The following IYD variants were observed in gnomAD, a reference collection of about 807,000 sequenced individuals.
IYD encodes the protein iodotyrosine deiodinase.
In IYD, 25 loss-of-function variants were observed where a neutral mutation model predicts 28.4. That is an observed-to-expected ratio of 0.88 (90% CI 0.64 to 1.23). The LOEUF (loss-of-function observed/expected upper bound fraction) is 1.23, where lower values mean the gene tolerates loss of function less well. Among genes scored for constraint, IYD ranks in the 50% most tolerant of loss-of-function variants. The pLI is 0.00. For synonymous variants in IYD, 140 were observed against 130.8 expected (o/e 1.07, Z -0.48); for missense variants, 352 against 357.9 (o/e 0.98, Z 0.13).
intron 1 of IYD, among the ~76,000 whole-genome samples, chr6:150,375,481 G>A (rs2064213): frequency 0.15 from 23,501 of 152,176 alleles, 3,635 homozygotes; most frequent in African/African-American, 0.38. Context: ...TGATCGTGAT[G>A]GATAGATCCT....
intron 1 of IYD, among the ~76,000 whole-genome samples, chr6:150,380,233 T>C (rs1194660090): frequency 6.6e-6 from 1 of 152,216 alleles, no homozygotes; most frequent in African/African-American, 2.4e-5. Flanking sequence ...AATTGTAACC[T>C]GAAAACTTGT....
chr6:150,398,280 T>G lies in IYD; in HGVS notation c.*43T>G. 1 of 1,587,974 alleles carries G rather than the reference T, an allele frequency of 6.3e-7. No homozygotes were observed. The highest frequency in any genetic ancestry group is 1.1e-5 in the South Asian group (1 of 90,476). ...AGTGGCAGGGAGATGGCGCCCCTGC[T>G]TTTCCCTGAGCCTCTCGCCTGCTCC... On this transcript the variant is annotated 3_prime_UTR_variant, in exon 5 of 5. Transcript: ENST00000344419.
At chr6:150,396,747 G>A (rs567594210) in intron 4 of IYD, 439 of 232,482 alleles carry the variant, frequency 1.9e-3, no homozygotes, top group Non-Finnish European at 2.8e-3. Context: ...GGTGGCGGGC[G>A]CCTGTAGTCC....
chr6:150,390,510 C>T (rs537280371), intron 2 of IYD, among the ~76,000 whole-genome samples: 3 of 152,170 alleles, frequency 2.0e-5, no homozygotes, highest in Non-Finnish European at 4.4e-5. Context: ...GAAATTTGGG[C>T]CTCATGTTTA....
chr6:150,394,260 G>A lies in IYD; in HGVS notation c.687+5G>A, dbSNP rs758060890. On this transcript the variant is annotated splice_donor_5th_base_variant and intron_variant, in intron 4 of 4. Transcript: ENST00000344419. ...ATCCTGCTAGCTGCCCTGCAGGTAT[G>A]TTGAGACATCAAGGGTTACAGGGTG... is the stretch of plus-strand genomic sequence containing the variant. 26 of 1,613,972 alleles carry A rather than the reference G, an allele frequency of 1.6e-5. No individual in the cohort carries two copies. In the Middle Eastern group the frequency reaches 4.9e-4, roughly 31 times the overall value.
chr6:150,393,021 C>A (rs761183095), intron 3 of IYD, among the ~76,000 whole-genome samples: 2 of 152,004 alleles, frequency 1.3e-5, no homozygotes, highest in East Asian at 1.9e-4. Flanking sequence ...GCACAGTCCG[C>A]GTGCTCTGTG....
At chr6:150,394,363 T>C (rs1778235439) in intron 4 of IYD, 108 bp downstream of exon 4, 1 of 1,167,460 alleles carries the variant, frequency 8.6e-7, no homozygotes, top group Non-Finnish European at 1.3e-6. Flanking sequence ...GTAGAATTCC[T>C]AAGTGAGGTA....
chr6:150,369,920 T>A (rs1457917505), intron 1 of IYD: 13 of 698,194 alleles, frequency 1.9e-5, no homozygotes, highest in Non-Finnish European at 3.4e-5. Flanking sequence ...AGTGGAGAAT[T>A]GAGGGTGGAG....
intron 4 of IYD, chr6:150,396,310 G>C (rs1778308603): frequency 2.3e-6 from 1 of 432,884 alleles, no homozygotes; most frequent in South Asian, 5.7e-5. Flanking sequence ...TCAATCCTTG[G>C]CCCTTTGGGG....
At chr6:150,393,475 A>G (rs1458290356) in intron 3 of IYD, among the ~76,000 whole-genome samples, 1 of 152,244 alleles carries the variant, frequency 6.6e-6, no homozygotes, top group Non-Finnish European at 1.5e-5. Context: ...AAGCATAACC[A>G]AGCTAGAAAT....
rs1029491137 is a variant in IYD, at chr6:150,400,053, C to A, written c.*1816C>A. 3.9e-5 allele frequency: 6 copies of A among 152,230 alleles called. No individual in the cohort carries two copies. Among genetic ancestry groups the A allele is most frequent in the Non-Finnish European group, 4.4e-5 (3 of 68,078 alleles). 9.4% of individuals were successfully genotyped at this position (152,230 alleles called of 1,614,324 possible). A position where few individuals can be genotyped will look rare whatever the true frequency, so the allele number is the denominator to read the frequency against. On this transcript the variant is annotated 3_prime_UTR_variant, in exon 5 of 5. Coordinates refer to ENST00000344419, the MANE Select transcript of IYD (RefSeq NM_203395.3). ...ACTGTGGTAGAAACCATTGTCACTG[C>A]AAGGCAGCCCTGCTTGGGATTCAGG...
intron 4 of IYD, 103 bp downstream of exon 4, chr6:150,394,358 A>C (rs1778235039): frequency 8.0e-7 from 1 of 1,249,014 alleles, no homozygotes; most frequent in Non-Finnish European, 1.2e-6. Context: ...CTAAAGTAGA[A>C]TTCCTAAGTG....
rs1778566473 is a variant in IYD, at chr6:150,403,529, G to A, written c.*5292G>A. 1 of 152,250 alleles carries A rather than the reference G, an allele frequency of 6.6e-6. No individual in the cohort carries two copies. The highest frequency in any genetic ancestry group is 2.1e-4 in the South Asian group (1 of 4,830). 9.4% of individuals were successfully genotyped at this position (152,250 alleles called of 1,614,324 possible). On this transcript the variant is annotated 3_prime_UTR_variant, in exon 5 of 5. Transcript: ENST00000344419. ...AAGGAACTCCCAGCAGGGTAGTGGA[G>A]GGAATGGGCTGACGCATCTAAGGCT...
At chr6:150,388,659 CTTTCTTTCTTTCTTTCTTTCT>C (rs1777983587) in intron 1 of IYD, among the ~76,000 whole-genome samples, 1 of 111,800 alleles carries the variant, frequency 8.9e-6, no homozygotes, top group African/African-American at 3.0e-5. Flanking sequence ...TTCTTTCTTT[CTTTCTTTCTTTCTTTCTTTCT>C]TTCTTCTTTC....
chr6:150,394,893 A>G (rs958077268), intron 4 of IYD, among the ~76,000 whole-genome samples: 2 of 152,230 alleles, frequency 1.3e-5, no homozygotes, highest in African/African-American at 4.8e-5. Context: ...CAGTGGCACC[A>G]TCACAGCTCA....
Position 150,405,004 on chromosome 6 carries a change from T to C in IYD, c.*6767T>C, listed in dbSNP as rs1778607694. On this transcript the variant is annotated 3_prime_UTR_variant, in exon 5 of 5. Transcript: ENST00000344419. ...AGCACAGTGCTTGGAACATAATAGG[T>C]GCTCAATAAATATTCAGTACATATT... 1 of 152,198 alleles carries C rather than the reference T, an allele frequency of 6.6e-6. No homozygotes were observed. The highest frequency in any genetic ancestry group is 1.5e-5 in the Non-Finnish European group (1 of 68,038). The allele number at this position is 152,198 out of a possible 1,614,324, so 9.4% of individuals were successfully genotyped here.
chr6:150,378,419 A>G (rs1314912645), intron 1 of IYD, among the ~76,000 whole-genome samples: 1 of 152,002 alleles, frequency 6.6e-6, no homozygotes, highest in Non-Finnish European at 1.5e-5. Flanking sequence ...TATAAGTGAG[A>G]ACATGCGGTG....
chr6:150,384,174 A>G (rs1162480762), intron 1 of IYD: 1 of 152,186 alleles, frequency 6.6e-6, no homozygotes, highest in Non-Finnish European at 1.5e-5. Flanking sequence ...CAGCAGACTG[A>G]TGATCTGTTC....
At chr6:150,386,378 T>A (rs1777861764) in intron 1 of IYD, among the ~76,000 whole-genome samples, 1 of 152,148 alleles carries the variant, frequency 6.6e-6, no homozygotes. Flanking sequence ...TTTTTTCAGT[T>A]ATCTTTTTGT....
Sources: gnomAD v4.1 joint callset for allele counts (sites outside exome capture counted in the v4.1 genomes callset) on GRCh38, gnomAD v4.1.1 for gene constraint, MANE v1.5 for transcripts, NCBI Gene and HGNC (gene_info 2026-07-23, HGNC 2026-07-21) for gene names.